The following AUH variants were observed in gnomAD, a reference collection of about 807,000 sequenced individuals.
The protein encoded by AUH is methylglutaconyl-CoA hydratase, mitochondrial.
A neutral mutation model predicts 42.3 loss-of-function variants in AUH; 29 were observed. The observed-to-expected ratio is 0.69, with a 90% CI of 0.51 to 0.93. AUH has a LOEUF of 0.93. AUH is among the 40% of genes least tolerant of loss of function. The pLI is 0.00. For missense variants in AUH, 452 were observed against 438.1 expected (o/e 1.03, Z -0.28); for synonymous variants, 174 against 166.4 (o/e 1.05, Z -0.35).
chr9:91,296,621 T>A (rs1487774576), intron 5 of AUH, among the ~76,000 whole-genome samples: 1 of 152,254 alleles, frequency 6.6e-6, no homozygotes, highest in East Asian at 1.9e-4. Context: ...TCTTAATAAC[T>A]TCTTTATTTG....
At chr9:91,307,021 A>G (rs944209218) in intron 4 of AUH, among the ~76,000 whole-genome samples, 1 of 152,234 alleles carries the variant, frequency 6.6e-6, no homozygotes, top group Non-Finnish European at 1.5e-5. Context: ...TTTTCATGAA[A>G]TTCAAAAATA....
intron 6 of AUH, among the ~76,000 whole-genome samples, chr9:91,238,903 G>C (rs1011284434): frequency 6.6e-6 from 1 of 152,180 alleles, no homozygotes. Context: ...GGAGATGTTG[G>C]CAGCAATCTG....
rs545988073 is a variant in AUH at position 91,343,670 on chromosome 9, T to C, written c.418+12213A>G. On this transcript the variant is annotated intron_variant, in intron 3 of 9. Transcript: ENST00000375731. ...TCCCAGCTACTCGGGAGGCGGAGGT[T>C]GCAGTGAGCTGAGATTACACTGCTG... 1.0e-3 allele frequency among the ~76,000 whole-genome samples: 152 copies of C among 152,218 alleles called. 1 individual carries two copies. Among genetic ancestry groups the C allele is most frequent in the Admixed American group, 1.6e-3 (25 of 15,278 alleles).
At chr9:91,282,688 A>C (rs531941213) in intron 6 of AUH, among the ~76,000 whole-genome samples, 5 of 152,300 alleles carry the variant, frequency 3.3e-5, no homozygotes, top group South Asian at 4.1e-4. Context: ...AAACACCTCT[A>C]TGCAAATAAA....
At chr9:91,283,624 C>T (rs377581534) in intron 6 of AUH, among the ~76,000 whole-genome samples, 17,374 of 152,128 alleles carry the variant, frequency 0.11, 1,113 homozygotes, top group African/African-American at 0.17. Context: ...TCTCAGGATA[C>T]AAAATCAATG....
chr9:91,291,662 G>A (rs1826901854), intron 6 of AUH, among the ~76,000 whole-genome samples: 1 of 151,942 alleles, frequency 6.6e-6, no homozygotes, highest in African/African-American at 2.4e-5. Flanking sequence ...CATTCATCTG[G>A]GCAGTCTTCA....
At chr9:91,336,507 G>C (rs1000031912) in intron 3 of AUH, among the ~76,000 whole-genome samples, 4 of 151,964 alleles carry the variant, frequency 2.6e-5, no homozygotes, top group Non-Finnish European at 5.9e-5. Flanking sequence ...GTGCACACCT[G>C]TAAACCTAGC....
chr9:91,313,820 G>A (rs536763812), intron 4 of AUH, among the ~76,000 whole-genome samples: 9 of 128,810 alleles, frequency 7.0e-5, no homozygotes, highest in Admixed American at 2.2e-4. Flanking sequence ...GTCCATAAAC[G>A]CTCTTTTTTT....
chr9:91,226,745 G>T (rs1587637780), intron 6 of AUH, among the ~76,000 whole-genome samples: 1 of 119,214 alleles, frequency 8.4e-6, no homozygotes, highest in Non-Finnish European at 1.8e-5. Context: ...GTAAGGAAGG[G>T]ATCCAGTTTC....
chr9:91,295,975 T>C (rs761027556), intron 6 of AUH, 46 bp downstream of exon 6: 2 of 1,605,090 alleles, frequency 1.2e-6, no homozygotes, highest in South Asian at 2.2e-5. Flanking sequence ...GCCCTGTTTC[T>C]AGGACCAAAT....
intron 1 of AUH, among the ~76,000 whole-genome samples, chr9:91,357,978 T>C (rs185209860): frequency 3.0e-4 from 45 of 152,330 alleles, no homozygotes; most frequent in Non-Finnish European, 5.9e-4. Flanking sequence ...GAATAGTTTC[T>C]ATACTTGGAG....
intron 6 of AUH, among the ~76,000 whole-genome samples, chr9:91,240,195 CA>C (rs1408785732): frequency 1.3e-5 from 2 of 152,220 alleles, no homozygotes; most frequent in Non-Finnish European, 2.9e-5. Context: ...CAGAGGAACA[CA>C]AAATCTTCCT....
chr9:91,288,931 A>G (rs1000238725), intron 6 of AUH, among the ~76,000 whole-genome samples: 2 of 152,164 alleles, frequency 1.3e-5, no homozygotes, highest in African/African-American at 4.8e-5. Context: ...TACAAAACAT[A>G]CCTTAAAAAT....
intron 3 of AUH, among the ~76,000 whole-genome samples, chr9:91,344,929 C>T (rs1328380360): frequency 6.6e-6 from 1 of 151,294 alleles, no homozygotes; most frequent in Non-Finnish European, 1.5e-5. Context: ...AATCATTCAC[C>T]ATATTGACAG....
chr9:91,263,912 T>C (rs1829831045), intron 6 of AUH, among the ~76,000 whole-genome samples: 1 of 152,206 alleles, frequency 6.6e-6, no homozygotes, highest in Admixed American at 6.5e-5. Context: ...CAGAATATGA[T>C]TACATTCTCT....
chr9:91,295,462 T>A (rs886674989), intron 6 of AUH, among the ~76,000 whole-genome samples: 7 of 152,098 alleles, frequency 4.6e-5, no homozygotes, highest in African/African-American at 1.7e-4. Context: ...ATGAGTAAAA[T>A]GCTATCAAAC....
intron 6 of AUH, among the ~76,000 whole-genome samples, chr9:91,290,998 C>T (rs1183797866): frequency 6.6e-6 from 1 of 152,130 alleles, no homozygotes; most frequent in Admixed American, 6.6e-5. Flanking sequence ...GGCCAGAAAT[C>T]CAAAATCAAG....
intron 3 of AUH, among the ~76,000 whole-genome samples, chr9:91,344,381 T>C (rs1316832615): frequency 1.3e-5 from 2 of 152,206 alleles, no homozygotes; most frequent in Non-Finnish European, 2.9e-5. Flanking sequence ...ACATCTTACA[T>C]GTATTGATTG....
chr9:91,310,403 C>G (rs953216301), intron 4 of AUH, among the ~76,000 whole-genome samples: 1 of 152,158 alleles, frequency 6.6e-6, no homozygotes, highest in African/African-American at 2.4e-5. Flanking sequence ...AGATATAAGC[C>G]AATTTGCCCT....
Sources: gnomAD v4.1 joint callset for allele counts (sites outside exome capture counted in the v4.1 genomes callset) on GRCh38, gnomAD v4.1.1 for gene constraint, MANE v1.5 for transcripts, NCBI Gene and HGNC (gene_info 2026-07-23, HGNC 2026-07-21) for gene names.